Variants in GORASP2 observed in about 807,000 individuals in gnomAD.
The protein encoded by GORASP2 is golgi reassembly stacking protein 2, also known as Golgi reassembly-stacking protein 2.
Under a neutral mutation model 45.7 loss-of-function variants are expected in GORASP2, and 22 were observed. The ratio of observed to expected loss-of-function variants is 0.48; its 90% CI spans 0.34 to 0.69. The LOEUF (loss-of-function observed/expected upper bound fraction) is 0.69, where lower values mean the gene tolerates loss of function less well. Ranked by LOEUF, GORASP2 falls within the 30% of genes least tolerant of loss-of-function variation. The pLI is 0.01. For missense variants in GORASP2, 491 were observed against 562.7 expected, an observed-to-expected ratio of 0.87 and a Z score of 1.29; for synonymous variants, 221 against 215.6, an observed-to-expected ratio of 1.02 and a Z score of -0.22.
rs772045566 is a variant in GORASP2, at chr2:170,966,161, A to G, written c.*31A>G. The G allele has an allele frequency of 1.4e-6, 2 of 1,481,312 alleles. No individual in the cohort carries two copies. Among genetic ancestry groups the G allele is most frequent in the East Asian group, 2.3e-5 (1 of 44,332 alleles). 91.8% of individuals were successfully genotyped at this position (1,481,312 alleles called of 1,614,324 possible). A position where few individuals can be genotyped will look rare whatever the true frequency, so the allele number is the denominator to read the frequency against. On this transcript the variant is annotated 3_prime_UTR_variant, in exon 10 of 10. Coordinates refer to ENST00000234160, the MANE Select transcript of GORASP2 (RefSeq NM_015530.5). ...AACCATTCTTTGGAATTGGCGTGGT[A>G]TATTTAACCACGGGAGCGTGTCTGG...
At position 170,949,632 on chromosome 2, in the gene GORASP2, C is replaced by T; in HGVS notation, c.238C>T (p.Arg80Ter). The change falls in exon 3 of 10, where the codon CGA becomes TGA. Residue 80 changes from arginine (R) to a stop codon, truncating the protein, a stop_gained. Transcript: ENST00000234160. LOFTEE classifies it high-confidence loss of function. ...LIYSSKTLELRETSVTPSNLW... is the reference protein window; with the variant it reads ...LIYSSKTLEL The stretch of plus-strand genomic sequence containing the variant: ...CTATAGCAGCAAAACATTGGAACTG[C>T]GAGAGACCTCAGTCACACCAAGTAA... 4 of 1,613,920 alleles carry T rather than the reference C, an allele frequency of 2.5e-6. No homozygotes were observed. Among genetic ancestry groups the T allele is most frequent in the Admixed American group, 1.7e-5 (1 of 60,026 alleles).
chr2:170,964,955 G>A (rs111988433), intron 9 of GORASP2, among the ~76,000 whole-genome samples: 32 of 128,084 alleles, frequency 2.5e-4, no homozygotes, highest in African/African-American at 8.5e-4. Context: ...AGGCTGGAGT[G>A]CAGTGGTGTA....
chr2:170,957,836 GT>G (rs779626894), intron 7 of GORASP2, among the ~76,000 whole-genome samples: 8 of 151,772 alleles, frequency 5.3e-5, no homozygotes, highest in Non-Finnish European at 8.8e-5. Context: ...TAGTTTTTAT[GT>G]TTTTGTAGGG....
rs200952383 is a variant in GORASP2, at chr2:170,966,062, G to A, written c.1291G>A (p.Asp431Asn). The A allele has an allele frequency of 3.0e-5, 49 of 1,613,926 alleles. No individual in the cohort carries two copies. The highest frequency in any genetic ancestry group is 1.6e-4 in the Middle Eastern group (1 of 6,084). The change falls in exon 10 of 10, where the codon GAC (aspartate) becomes AAC (asparagine). Residue 431 changes from aspartate to asparagine, a missense_variant. Asp to Asn is a conservative substitution (Grantham distance 23, BLOSUM62 1). Transcript: ENST00000234160. ...CACCACCGTTGAGGACAGAGTCGGC[G>A]ACTCCACCCCAGTCAGCGAGAAGCC... ...APTTVEDRVG[D>N]STPVSEKPVS...
rs1239745493 is a variant in GORASP2, at chr2:170,967,000, C to T, written c.*870C>T. 1 of 152,202 alleles carries T rather than the reference C, an allele frequency of 6.6e-6. No homozygotes were observed. Among genetic ancestry groups the T allele is most frequent in the Admixed American group, 6.5e-5 (1 of 15,280 alleles). The allele number at this position is 152,202 out of a possible 1,614,324, so 9.4% of individuals were successfully genotyped here. ...ACTCTCCAGTATGTCTTATTACTCT[C>T]CAGTATGTCACGCATCTTTAACTTT... On this transcript the variant is annotated 3_prime_UTR_variant, in exon 10 of 10. Transcript: ENST00000234160.
chr2:170,963,317 A>G (rs1018781606), intron 9 of GORASP2, among the ~76,000 whole-genome samples: 13 of 150,120 alleles, frequency 8.7e-5, no homozygotes, highest in African/African-American at 2.2e-4. Flanking sequence ...GGAGGTTGCA[A>G]TGAGCTGAGA....
intron 7 of GORASP2, among the ~76,000 whole-genome samples, chr2:170,960,080 C>T (rs901189521): frequency 1.3e-5 from 2 of 152,096 alleles, no homozygotes; most frequent in Admixed American, 6.6e-5. Flanking sequence ...CTCAGCTTCC[C>T]AAAGTGCTGG....
intron 1 of GORASP2, 61 bp from the exon 2 acceptor site, chr2:170,948,289 T>G: frequency 1.1e-6 from 1 of 911,384 alleles, no homozygotes. Context: ...AAAGAGAGAT[T>G]CGGCTTACAA....
intron 1 of GORASP2, among the ~76,000 whole-genome samples, chr2:170,944,129 A>G (rs1216034371): frequency 6.6e-6 from 1 of 152,146 alleles, no homozygotes; most frequent in Non-Finnish European, 1.5e-5. Flanking sequence ...TAATCAGGAG[A>G]TCTCATAGGG....
At chr2:170,950,827 C>G (rs1446122766) in intron 4 of GORASP2, among the ~76,000 whole-genome samples, 3 of 151,980 alleles carry the variant, frequency 2.0e-5, no homozygotes, top group Admixed American at 2.0e-4. Context: ...ACAACAAATA[C>G]AAAAATTAGC....
At chr2:170,929,080 C>A (rs1559304379), upstream of GORASP2, 2 of 378,534 alleles carry the variant, frequency 5.3e-6, no homozygotes, top group Non-Finnish European at 9.4e-6. Flanking sequence ...GCCTCCCAGT[C>A]CTCCTCCGGC....
At chr2:170,947,849 A>G (rs1704212641) in intron 1 of GORASP2, among the ~76,000 whole-genome samples, 1 of 152,184 alleles carries the variant, frequency 6.6e-6, no homozygotes, top group African/African-American at 2.4e-5. Context: ...GGCCCGGTGC[A>G]GTGGCTCACA....
At chr2:170,953,510 GTTGT>G (rs1320329450) in intron 5 of GORASP2, among the ~76,000 whole-genome samples, 2 of 152,176 alleles carry the variant, frequency 1.3e-5, no homozygotes, top group Non-Finnish European at 2.9e-5. Context: ...AAATTGTCAA[GTTGT>G]TTGGGAAATA....
chr2:170,948,000 A>C (rs562279823), intron 1 of GORASP2, among the ~76,000 whole-genome samples: 9 of 152,132 alleles, frequency 5.9e-5, no homozygotes, highest in South Asian at 2.1e-4. Context: ...ACGCACCTAT[A>C]GTCCTCCCAG....
At chr2:170,936,677 G>GTTAA (rs1325478409) in intron 1 of GORASP2, 1 of 1,290,662 alleles carries the variant, frequency 7.7e-7, no homozygotes, top group Non-Finnish European at 1.0e-6. Context: ...GCTTAAGCCG[G>GTTAA]GCATAATGGT....
intron 7 of GORASP2, among the ~76,000 whole-genome samples, chr2:170,959,349 G>A (rs954197181): frequency 6.6e-6 from 1 of 152,190 alleles, no homozygotes; most frequent in Non-Finnish European, 1.5e-5. Context: ...TCCTCATTAC[G>A]TTGTAGTTAT....
At chr2:170,940,542 G>T (rs1480097966) in intron 1 of GORASP2, among the ~76,000 whole-genome samples, 1 of 151,634 alleles carries the variant, frequency 6.6e-6, no homozygotes, top group African/African-American at 2.4e-5. Flanking sequence ...GCAATAGTTA[G>T]GTCTGTGTGT....
chr2:170,932,038 C>CA (rs1391352769), intron 1 of GORASP2, among the ~76,000 whole-genome samples: 2 of 152,144 alleles, frequency 1.3e-5, no homozygotes, highest in Non-Finnish European at 2.9e-5. Context: ...CCAGCCTGAC[C>CA]AACATGGTGA....
At chr2:170,930,592 A>G (rs1472466766) in intron 1 of GORASP2, among the ~76,000 whole-genome samples, 4 of 151,958 alleles carry the variant, frequency 2.6e-5, no homozygotes, top group South Asian at 2.1e-4. Context: ...TATCGTGTCT[A>G]TTGCCTTTCC....
Sources: allele counts gnomAD v4.1 joint callset (sites outside exome capture counted in the v4.1 genomes callset), GRCh38; gene constraint gnomAD v4.1.1; transcripts MANE v1.5; gene names NCBI Gene and HGNC (gene_info 2026-07-23, HGNC 2026-07-21).